TSHZ3: variants seen among roughly 807,000 people sequenced by gnomAD.
The protein encoded by TSHZ3 is teashirt zinc finger homeobox 3.
TSHZ3 carries 10 observed loss-of-function variants against 64.5 expected under a neutral mutation model. The ratio of observed to expected loss-of-function variants is 0.16; its 90% CI spans 0.10 to 0.26. The LOEUF (loss-of-function observed/expected upper bound fraction) is 0.26, where lower values mean the gene tolerates loss of function less well. Ranked by LOEUF, TSHZ3 falls within the 10% of genes least tolerant of loss-of-function variation. The pLI is 1.00. For synonymous variants in TSHZ3, 608 were observed against 593.1 expected, an observed-to-expected ratio of 1.03 and a Z score of -0.36; for missense variants, 1,242 against 1,421.7, an observed-to-expected ratio of 0.87 and a Z score of 2.03.
chr19:31,256,355 G>C (rs141506939), intron 1 of TSHZ3, among the ~76,000 whole-genome samples: 35 of 152,066 alleles, frequency 2.3e-4, no homozygotes, highest in African/African-American at 8.5e-4. Flanking sequence ...CTCTCTCTGC[G>C]GGGGTCCTTT....
At chr19:31,317,207 G>C (rs767656274) in intron 1 of TSHZ3, among the ~76,000 whole-genome samples, 38 of 151,946 alleles carry the variant, frequency 2.5e-4, no homozygotes, top group Non-Finnish European at 4.9e-4. Flanking sequence ...CATGCCCCCA[G>C]CCCCAGCCCC....
intron 1 of TSHZ3, among the ~76,000 whole-genome samples, chr19:31,312,468 C>T (rs1470982274): frequency 6.6e-6 from 1 of 152,228 alleles, no homozygotes; most frequent in East Asian, 1.9e-4. Context: ...GAGCAGGACA[C>T]TCCATTGCTG....
chr19:31,282,666 C>T lies in TSHZ3; in HGVS notation c.41-2914G>A, dbSNP rs575320882. 2.3e-3 allele frequency among the ~76,000 whole-genome samples: 348 copies of T among 152,282 alleles called. 15 individuals are homozygous for T. In the South Asian group the frequency reaches 0.057, roughly 25 times the overall value. ...TCCTCTCCTGGGCTGGCCCACAACA[C>T]GCTCTGATATGCTTTGTAAACTACA... On this transcript the variant is annotated intron_variant, in intron 1 of 1. Transcript: ENST00000240587.
At chr19:31,253,001 A>G (rs904142219) in intron 1 of TSHZ3, among the ~76,000 whole-genome samples, 2 of 152,256 alleles carry the variant, frequency 1.3e-5, no homozygotes, top group African/African-American at 4.8e-5. Context: ...GAAAATATTC[A>G]GTATAGATAT....
At chr19:31,323,283 A>T (rs917536188) in intron 1 of TSHZ3, among the ~76,000 whole-genome samples, 1 of 152,220 alleles carries the variant, frequency 6.6e-6, no homozygotes, top group Non-Finnish European at 1.5e-5. Context: ...TCCACAGAGT[A>T]GCCTATGATC....
At chr19:31,310,324 C>T (rs1284367415) in intron 1 of TSHZ3, among the ~76,000 whole-genome samples, 1 of 152,074 alleles carries the variant, frequency 6.6e-6, no homozygotes, top group Non-Finnish European at 1.5e-5. Context: ...AGGAGAAAAA[C>T]CACAGTCTTC....
At chr19:31,267,643 G>A (rs1327329872) in intron 1 of TSHZ3, among the ~76,000 whole-genome samples, 1 of 136,522 alleles carries the variant, frequency 7.3e-6, no homozygotes, top group African/African-American at 3.2e-5. Flanking sequence ...AGGAGAATAA[G>A]CCCATTTTTT....
intron 5 of TSHZ3, among the ~76,000 whole-genome samples, chr19:31,177,599 A>G (rs1974630850): frequency 6.6e-6 from 1 of 152,234 alleles, no homozygotes; most frequent in South Asian, 2.1e-4. Context: ...TAAGCTTGGA[A>G]ATTCCACGAT....
At chr19:31,173,793 T>G (rs1435556585) in intron 5 of TSHZ3, among the ~76,000 whole-genome samples, 1 of 152,172 alleles carries the variant, frequency 6.6e-6, no homozygotes, top group Non-Finnish European at 1.5e-5. Flanking sequence ...ACAGATTTAT[T>G]ATACAGAATC....
chr19:31,230,692 CTTTTTTTTTT>C (rs956399700), intron 3 of TSHZ3, among the ~76,000 whole-genome samples: 1 of 94,118 alleles, frequency 1.1e-5, no homozygotes, highest in South Asian at 3.5e-4. Flanking sequence ...CCCATCACTG[CTTTTTTTTTT>C]TTTTTTTTTT....
chr19:31,278,234 A>T lies in TSHZ3; in HGVS notation c.1559T>A (p.Leu520His). The change falls in exon 2 of 2, where the codon CTT becomes CAT. Residue 520 changes from leucine to histidine, a missense_variant. Around this residue, in one of 4 missense-constraint regions of TSHZ3, gnomAD observed 555 missense variants for 704.0 expected, o/e 0.79. Transcript: ENST00000240587. This position sits in a 1 kb window ranked among gnomAD's most constrained non-coding sequence, Gnocchi z 4.7. ...NDLEESPKGG[L>H]DILKSLENTV... ...GTTTTCCAAGGATTTGAGGATATCA[A>T]GCCCCCCCTTGGGACTCTCTTCTAA... The T allele has an allele frequency of 6.2e-7, 1 of 1,614,136 alleles. No individual in the cohort carries two copies. Among genetic ancestry groups the T allele is most frequent in the African/African-American group, 1.3e-5 (1 of 75,042 alleles).
At chr19:31,261,421 G>A (rs1975982376) in intron 1 of TSHZ3, among the ~76,000 whole-genome samples, 1 of 152,144 alleles carries the variant, frequency 6.6e-6, no homozygotes, top group South Asian at 2.1e-4. Context: ...GAGGGACAGG[G>A]CTGTCTCTCC....
chr19:31,332,575 G>A (rs1487699237), intron 1 of TSHZ3, among the ~76,000 whole-genome samples: 2 of 152,098 alleles, frequency 1.3e-5, no homozygotes, highest in African/African-American at 2.4e-5. Context: ...GTTTGCACAG[G>A]GCCATCACCC....
At chr19:31,208,684 G>A (rs1264398672) in intron 4 of TSHZ3, among the ~76,000 whole-genome samples, 3 of 152,146 alleles carry the variant, frequency 2.0e-5, no homozygotes, top group South Asian at 4.1e-4. Context: ...TATCACAGCT[G>A]GTTTTATGTA....
At chr19:31,173,451 A>T (rs1974564163) in intron 5 of TSHZ3, among the ~76,000 whole-genome samples, 1 of 152,244 alleles carries the variant, frequency 6.6e-6, no homozygotes, top group African/African-American at 2.4e-5. Flanking sequence ...CTGCACATTT[A>T]AAAATGAGGT....
chr19:31,156,737 C>T (rs1416391767), intron 5 of TSHZ3, among the ~76,000 whole-genome samples: 2 of 152,142 alleles, frequency 1.3e-5, no homozygotes, highest in South Asian at 4.2e-4. Context: ...GTGCAATATG[C>T]TTTGTGAGTT....
intron 5 of TSHZ3, among the ~76,000 whole-genome samples, chr19:31,178,372 C>G (rs1213008248): frequency 6.6e-6 from 1 of 152,258 alleles, no homozygotes; most frequent in Admixed American, 6.5e-5. Context: ...CTATCCTTAA[C>G]AGTCCATGTT....
chr19:31,274,335 T>C (rs575427538), downstream of TSHZ3, among the ~76,000 whole-genome samples: 121 of 152,252 alleles, frequency 7.9e-4, no homozygotes, highest in African/African-American at 2.7e-3. Context: ...AAGCTTGTGA[T>C]TATCATATAA....
intron 1 of TSHZ3, among the ~76,000 whole-genome samples, chr19:31,329,028 T>C (rs1917002902): frequency 6.6e-6 from 1 of 152,174 alleles, no homozygotes; most frequent in East Asian, 1.9e-4. Context: ...TACCTTAAAC[T>C]TCAAAGAGCC....
Sources: gnomAD v4.1 joint callset for allele counts (sites outside exome capture counted in the v4.1 genomes callset) on GRCh38, gnomAD v4.1.1 for gene constraint, gnomAD v4.1.1 regional missense constraint, Gnocchi (gnomAD v3.1) non-coding constraint, MANE v1.5 for transcripts, NCBI Gene and HGNC (gene_info 2026-07-23, HGNC 2026-07-21) for gene names.